HNMT: variants seen among roughly 807,000 people sequenced by gnomAD.
HNMT encodes the protein histamine N-methyltransferase.
In HNMT, 30 loss-of-function variants were observed where a neutral mutation model predicts 32.1. That is an observed-to-expected ratio of 0.93 (90% CI 0.70 to 1.27). HNMT has a LOEUF of 1.27. HNMT is among the 50% of genes most tolerant of loss of function. The probability of loss-of-function intolerance (pLI) is 0.00; values close to 1 mark genes in which losing one functional copy is unlikely to be tolerated. For synonymous variants in HNMT, 125 were observed against 119.0 expected (o/e 1.05, Z -0.33); for missense variants, 327 against 346.0 (o/e 0.95, Z 0.43).
At chr2:137,983,027 C>A (rs553849782) in intron 2 of HNMT, among the ~76,000 whole-genome samples, 8 of 152,160 alleles carry the variant, frequency 5.3e-5, no homozygotes, top group South Asian at 4.2e-4. Flanking sequence ...ATCTCCAAGC[C>A]CAGGTTGGAT....
intron 2 of HNMT, among the ~76,000 whole-genome samples, chr2:137,993,844 G>T (rs978050534): frequency 3.3e-5 from 5 of 151,964 alleles, no homozygotes; most frequent in African/African-American, 1.2e-4. Context: ...CTACAAGCCA[G>T]AAAAGATTGG....
At chr2:137,983,450 A>G (rs1011431420) in intron 2 of HNMT, among the ~76,000 whole-genome samples, 4 of 152,038 alleles carry the variant, frequency 2.6e-5, no homozygotes, top group African/African-American at 7.3e-5. Context: ...TAGTGTATAC[A>G]ATATATATTG....
At chr2:137,974,602 G>A (rs1680232746) in intron 2 of HNMT, among the ~76,000 whole-genome samples, 1 of 152,130 alleles carries the variant, frequency 6.6e-6, no homozygotes. Flanking sequence ...CTGCTTAAAG[G>A]ATAATCATTT....
intron 5 of HNMT, among the ~76,000 whole-genome samples, chr2:138,010,428 A>T (rs1681459782): frequency 7.8e-6 from 1 of 128,862 alleles, no homozygotes; most frequent in Admixed American, 9.1e-5. Flanking sequence ...AAGGCTCAAT[A>T]AAAAAGACAC....
chr2:137,981,917 G>A lies in HNMT; in HGVS notation c.190+11700G>A, dbSNP rs575228562. 5.3e-5 allele frequency among the ~76,000 whole-genome samples: 8 copies of A among 152,198 alleles called. No individual in the cohort carries two copies. In the South Asian group the frequency reaches 6.2e-4, roughly 12 times the overall value. On this transcript the variant is annotated intron_variant, in intron 2 of 5. Coordinates refer to ENST00000280097, the MANE Select transcript of HNMT (RefSeq NM_006895.3). ...CACCCAGGTTGGAGTGCAGTGCCGC[G>A]ATCTAGGCTCACTGCAACCTCCGTC...
chr2:137,970,189 T>A lies in HNMT; in HGVS notation c.162T>A (p.Ile54=), dbSNP rs138810807. ...IGRIGDTKSE[I]KILSIGGGAG... ...GGATTGGAGACACAAAATCAGAAAT[T>A]AAGATTCTAAGCATAGGCGGAGGTG... Residue 54 remains isoleucine, a synonymous_variant, in exon 2 of 6, where the codon ATT becomes ATA. Coordinates refer to ENST00000280097, the MANE Select transcript of HNMT (RefSeq NM_006895.3). 308 of 1,578,528 alleles carry A rather than the reference T, an allele frequency of 2.0e-4. 1 individual carries two copies. The East Asian group carries it at 2.8e-3, about 14-fold the overall frequency.
chr2:137,985,245 C>T (rs561027364), intron 2 of HNMT, among the ~76,000 whole-genome samples: 134 of 151,894 alleles, frequency 8.8e-4, no homozygotes, highest in African/African-American at 3.0e-3. Context: ...ACTGCTCTAA[C>T]TCCATCCCTT....
intron 2 of HNMT, among the ~76,000 whole-genome samples, chr2:137,987,278 G>A (rs185106026): frequency 6.6e-6 from 1 of 152,248 alleles, no homozygotes; most frequent in Admixed American, 6.5e-5. Flanking sequence ...GGAAGAGACT[G>A]ACTATAAACT....
In HNMT at chr2:137,964,755, C is replaced by T. The variant is rs973596400; in HGVS notation, c.137+127C>T. 4 of 867,070 alleles carry T rather than the reference C, an allele frequency of 4.6e-6. No individual in the cohort carries two copies. The South Asian group carries it at 4.9e-5, about 11-fold the overall frequency. The allele number at this position is 867,070 out of a possible 1,614,324, so 53.7% of individuals were successfully genotyped here. A position where few individuals can be genotyped will look rare whatever the true frequency, so the allele number is the denominator to read the frequency against. On this transcript the variant is annotated intron_variant, in intron 1 of 5. Transcript: ENST00000280097. Reference sequence around the variant, plus strand: ...AGGGCGAATTACTGATAGCAGCTCCCCGTCGTCCCCTCCTCGCTGCCCTGC... The same window carrying T: ...AGGGCGAATTACTGATAGCAGCTCCTCGTCGTCCCCTCCTCGCTGCCCTGC...
rs1558954317 is a variant in HNMT at position 137,978,576 on chromosome 2, G to GATAATATAGTATTATACAATACATATGAT, written c.190+8389_190+8417dup. ...TAGTATTATACAATACATATGACTA[G>GATAATATAGTATTATACAATACATATGAT]ATAATATAGTATTATACAATACATA... On this transcript the variant is annotated intron_variant, in intron 2 of 5. Coordinates refer to ENST00000280097, the MANE Select transcript of HNMT (RefSeq NM_006895.3). Among the ~76,000 whole-genome samples the GATAATATAGTATTATACAATACATATGAT allele has an allele frequency of 3.0e-4, 40 of 132,850 alleles. 1 individual carries two copies. Among genetic ancestry groups the GATAATATAGTATTATACAATACATATGAT allele is most frequent in the African/African-American group, 9.9e-4 (35 of 35,414 alleles). 87.2% of individuals were successfully genotyped at this position (132,850 alleles called of 152,430 possible).
intron 5 of HNMT, among the ~76,000 whole-genome samples, 189 bp downstream of exon 5, chr2:138,005,414 T>G (rs916565529): frequency 1.6e-4 from 24 of 152,214 alleles, no homozygotes; most frequent in Middle Eastern, 3.4e-3. Context: ...TTAGAAGGTA[T>G]AGTGGAATTA....
At chr2:137,983,811 T>C (rs1196888694) in intron 2 of HNMT, among the ~76,000 whole-genome samples, 1 of 152,182 alleles carries the variant, frequency 6.6e-6, no homozygotes, top group Non-Finnish European at 1.5e-5. Context: ...GGTAAGAGTT[T>C]AGAGTTGTCT....
intron 2 of HNMT, among the ~76,000 whole-genome samples, chr2:137,974,932 C>T (rs1453454994): frequency 6.6e-6 from 1 of 152,088 alleles, no homozygotes; most frequent in African/African-American, 2.4e-5. Context: ...ATATAGACAC[C>T]AGCATTTCTA....
At chr2:138,012,900 C>G (rs1681551618) in intron 5 of HNMT, among the ~76,000 whole-genome samples, 1 of 152,052 alleles carries the variant, frequency 6.6e-6, no homozygotes, top group Non-Finnish European at 1.5e-5. Flanking sequence ...GGACCCACCC[C>G]CACCTATCCC....
intron 2 of HNMT, among the ~76,000 whole-genome samples, chr2:137,982,517 G>T (rs192787884): frequency 1.2e-4 from 19 of 152,196 alleles, no homozygotes; most frequent in Admixed American, 1.2e-3. Context: ...GGACACGGTG[G>T]TACCAAAAAT....
At chr2:138,007,283 C>CT (rs1444175080) in intron 5 of HNMT, among the ~76,000 whole-genome samples, 5 of 151,834 alleles carry the variant, frequency 3.3e-5, no homozygotes, top group African/African-American at 7.2e-5. Context: ...AATGTCTTGG[C>CT]TTTTTTTGCC....
chr2:138,008,692 A>G (rs990187717), intron 5 of HNMT, among the ~76,000 whole-genome samples: 14 of 152,078 alleles, frequency 9.2e-5, no homozygotes, highest in Non-Finnish European at 1.9e-4. Flanking sequence ...TTCCTATTCA[A>G]TAAATGGTGG....
At chr2:137,997,377 CTT>C (rs1681029110) in intron 2 of HNMT, among the ~76,000 whole-genome samples, 1 of 152,042 alleles carries the variant, frequency 6.6e-6, no homozygotes, top group Admixed American at 6.6e-5. Context: ...TGAACAGACA[CTT>C]CTCAAAAGAA....
At chr2:137,972,274 T>G (rs1680161559) in intron 2 of HNMT, among the ~76,000 whole-genome samples, 1 of 151,888 alleles carries the variant, frequency 6.6e-6, no homozygotes, top group South Asian at 2.1e-4. Context: ...CCCGTCTAAT[T>G]TTTGTATTTT....
Sources: allele counts gnomAD v4.1 joint callset (sites outside exome capture counted in the v4.1 genomes callset), GRCh38; gene constraint gnomAD v4.1.1; transcripts MANE v1.5; gene names NCBI Gene and HGNC (gene_info 2026-07-23, HGNC 2026-07-21).